The following XYLT1 variants were observed in gnomAD, a reference collection of about 807,000 sequenced individuals.
The protein encoded by XYLT1 is beta-D-xylosyltransferase 1.
Under a neutral mutation model 91.3 loss-of-function variants are expected in XYLT1, and 36 were observed. The ratio of observed to expected loss-of-function variants is 0.39; its 90% CI spans 0.30 to 0.52. The LOEUF (loss-of-function observed/expected upper bound fraction) is 0.52. XYLT1 is among the 20% of genes least tolerant of loss of function. The probability of loss-of-function intolerance (pLI) is 0.68; values close to 1 mark genes in which losing one functional copy is unlikely to be tolerated. For synonymous variants in XYLT1, 588 were observed against 532.0 expected, an observed-to-expected ratio of 1.11 and a Z score of -1.45; for missense variants, 1,242 against 1,284.5, an observed-to-expected ratio of 0.97 and a Z score of 0.51.
intron 4 of XYLT1, among the ~76,000 whole-genome samples, chr16:17,200,142 A>T (rs754427184): frequency 1.5e-4 from 22 of 151,492 alleles, no homozygotes; most frequent in Non-Finnish European, 2.9e-4. Context: ...AATTGCTTGA[A>T]CCCAGGAGGC....
intron 9 of XYLT1, among the ~76,000 whole-genome samples, chr16:17,132,217 G>T (rs150871791): frequency 2.0e-5 from 3 of 152,176 alleles, no homozygotes; most frequent in Non-Finnish European, 2.9e-5. Context: ...ACTAGCAGTG[G>T]GGGGGAGAGA....
intron 1 of XYLT1, among the ~76,000 whole-genome samples, chr16:17,391,061 C>A (rs921424737): frequency 7.9e-5 from 12 of 152,074 alleles, no homozygotes; most frequent in African/African-American, 2.9e-4. Context: ...CAAAAACAAA[C>A]AAACAAAAAA....
At chr16:17,137,602 C>T (rs2030787224) in intron 8 of XYLT1, 1 of 152,032 alleles carries the variant, frequency 6.6e-6, no homozygotes, top group African/African-American at 2.4e-5. Flanking sequence ...GCCAAGCACT[C>T]TCAGGGCTCA....
At chr16:17,357,525 G>A (rs1289046774) in intron 2 of XYLT1, among the ~76,000 whole-genome samples, 1 of 152,180 alleles carries the variant, frequency 6.6e-6, no homozygotes, top group Non-Finnish European at 1.5e-5. Flanking sequence ...ACACGGAAAT[G>A]CCACTGCAAT....
At chr16:17,255,147 C>T (rs1414398047) in intron 3 of XYLT1, among the ~76,000 whole-genome samples, 1 of 151,878 alleles carries the variant, frequency 6.6e-6, no homozygotes, top group Non-Finnish European at 1.5e-5. Flanking sequence ...CAGGTGCACA[C>T]CACCATGCCC....
chr16:17,375,257 A>G (rs1021880939), intron 1 of XYLT1, among the ~76,000 whole-genome samples: 1 of 152,132 alleles, frequency 6.6e-6, no homozygotes, highest in Admixed American at 6.5e-5. Flanking sequence ...AATCCTCGCA[A>G]CATCTCTATG....
chr16:17,311,470 C>T (rs1039815162), intron 2 of XYLT1, among the ~76,000 whole-genome samples: 29 of 152,232 alleles, frequency 1.9e-4, no homozygotes, highest in East Asian at 1.4e-3. Flanking sequence ...GGTGAAGGTG[C>T]GTTTCTTTCC....
intron 6 of XYLT1, among the ~76,000 whole-genome samples, chr16:17,158,220 G>A (rs2031459630): frequency 1.3e-5 from 2 of 152,206 alleles, no homozygotes; most frequent in Non-Finnish European, 2.9e-5. Context: ...AGCGAGAGAG[G>A]TGTGAGGGAT....
At chr16:17,161,780 A>G (rs181582135) in intron 5 of XYLT1, among the ~76,000 whole-genome samples, 253 of 151,196 alleles carry the variant, frequency 1.7e-3, no homozygotes, top group African/African-American at 5.7e-3. Context: ...TCTTGTATCT[A>G]TCTCATCATC....
chr16:17,412,542 G>A (rs1022306857), intron 1 of XYLT1, among the ~76,000 whole-genome samples: 2 of 142,598 alleles, frequency 1.4e-5, no homozygotes, highest in Non-Finnish European at 3.1e-5. Context: ...CCAAGGATTG[G>A]GTGGGGGGAG....
chr16:17,367,831 G>C (rs111725483), intron 1 of XYLT1, among the ~76,000 whole-genome samples: 7 of 152,248 alleles, frequency 4.6e-5, no homozygotes, highest in African/African-American at 1.4e-4. Context: ...ACCCATCACT[G>C]TTTGGTGAGG....
chr16:17,200,322 C>A (rs555652672), intron 4 of XYLT1, among the ~76,000 whole-genome samples, 160 bp downstream of exon 4: 3 of 152,256 alleles, frequency 2.0e-5, no homozygotes, highest in African/African-American at 7.2e-5. Context: ...ATAGAGACAG[C>A]ACTCTAGGGC....
chr16:17,175,519 A>AC (rs113337766), intron 5 of XYLT1, among the ~76,000 whole-genome samples: 13,420 of 152,180 alleles, frequency 0.088, 671 homozygotes, highest in Middle Eastern at 0.13. Context: ...AGGGATTTGC[A>AC]CCCAGGTCAT....
intron 3 of XYLT1, among the ~76,000 whole-genome samples, chr16:17,216,225 T>C (rs895870825): frequency 1.3e-5 from 2 of 152,108 alleles, no homozygotes; most frequent in East Asian, 1.9e-4. Context: ...AATACTGCCA[T>C]GGAAAAACGC....
intron 8 of XYLT1, among the ~76,000 whole-genome samples, chr16:17,137,964 A>G (rs1021398562): frequency 6.6e-6 from 1 of 152,224 alleles, no homozygotes; most frequent in African/African-American, 2.4e-5. Flanking sequence ...CCCTAGATAT[A>G]TACTTAAAAG....
intron 2 of XYLT1, among the ~76,000 whole-genome samples, chr16:17,357,495 C>T (rs912629091): frequency 1.3e-5 from 2 of 152,174 alleles, no homozygotes; most frequent in African/African-American, 4.8e-5. Context: ...TTACAAGACC[C>T]GCTGGTCATC....
intron 2 of XYLT1, among the ~76,000 whole-genome samples, chr16:17,298,826 C>T (rs541821309): frequency 4.6e-5 from 7 of 152,282 alleles, no homozygotes; most frequent in Non-Finnish European, 1.0e-4. Flanking sequence ...TCATGGTTCA[C>T]TCCTCAAGCA....
In XYLT1 at chr16:17,398,079, G is replaced by T. The variant is rs114180646; in HGVS notation, c.364-40029C>A. On this transcript the variant is annotated intron_variant, in intron 1 of 11. Coordinates refer to ENST00000261381, the MANE Select transcript of XYLT1 (RefSeq NM_022166.4). ...TCGTGAACAGCTCTTTCACATATAC[G>T]AGTCCAGATTGGAAAATGCAGACCT... Among the ~76,000 whole-genome samples, 70 of 152,038 alleles carry T rather than the reference G, an allele frequency of 4.6e-4. 2 individuals are homozygous for T. In the South Asian group the frequency reaches 0.014, roughly 29 times the overall value.
chr16:17,461,278 T>C (rs2036818094), intron 1 of XYLT1, among the ~76,000 whole-genome samples: 1 of 152,168 alleles, frequency 6.6e-6, no homozygotes, highest in African/African-American at 2.4e-5. Flanking sequence ...GCCCTGACCT[T>C]CCCAGAGGAC....
Sources: allele counts gnomAD v4.1 joint callset (sites outside exome capture counted in the v4.1 genomes callset), GRCh38; gene constraint gnomAD v4.1.1; transcripts MANE v1.5; gene names NCBI Gene and HGNC (gene_info 2026-07-23, HGNC 2026-07-21).